The following HDAC4 variants were observed in gnomAD, a reference collection of about 807,000 sequenced individuals.
HDAC4 encodes histone deacetylase A.
Under a neutral mutation model 135.1 loss-of-function variants are expected in HDAC4, and 16 were observed. The observed-to-expected ratio is 0.12, with a 90% CI of 0.08 to 0.18. The LOEUF (loss-of-function observed/expected upper bound fraction) is 0.18. HDAC4 is among the 10% of genes least tolerant of loss of function. The pLI is 1.00. For missense variants in HDAC4, 1,143 were observed against 1,511.8 expected, an observed-to-expected ratio of 0.76 and a Z score of 4.05; for synonymous variants, 685 against 653.4, an observed-to-expected ratio of 1.05 and a Z score of -0.74.
rs750643839 is a variant in HDAC4 at position 239,068,618 on chromosome 2, C to T, written c.2751-11G>A. The T allele has an allele frequency of 6.2e-7, 1 of 1,607,604 alleles. No homozygotes were observed. Among genetic ancestry groups the T allele is most frequent in the Non-Finnish European group, 8.5e-7 (1 of 1,174,238 alleles). On this transcript the variant is annotated splice_polypyrimidine_tract_variant and intron_variant, in intron 22 of 26. Coordinates refer to ENST00000543185, the MANE Select transcript of HDAC4 (RefSeq NM_001378414.1). This position sits in a 1 kb window ranked among gnomAD's most constrained non-coding sequence, Gnocchi z 4.4. ...GGCATGACCACCGTTCTGCAAAGGA[C>T]AGGAGAAGGCGTTACTGGGTCAGCT...
At chr2:239,053,678 G>C in intron 25 of HDAC4, 77 bp from the exon 26 acceptor site, 1 of 1,293,214 alleles carries the variant, frequency 7.7e-7, no homozygotes, top group South Asian at 1.2e-5. Context: ...AAGGTCCTGC[G>C]GGACCCTGAG....
At chr2:239,156,613 C>T (rs1385837951) in intron 7 of HDAC4, 39 bp downstream of exon 7, 9 of 1,613,788 alleles carry the variant, frequency 5.6e-6, no homozygotes, top group Non-Finnish European at 7.6e-6. Context: ...GGTGCCCGTG[C>T]AGGAGACCTC....
intron 17 of HDAC4, among the ~76,000 whole-genome samples, chr2:239,093,670 C>T (rs1407422455): frequency 6.6e-6 from 1 of 152,246 alleles, no homozygotes; most frequent in Non-Finnish European, 1.5e-5. Context: ...CATCTGCACA[C>T]CCAGACGTGA....
At chr2:239,341,936 T>A (rs1331400994) in intron 2 of HDAC4, among the ~76,000 whole-genome samples, 5 of 152,020 alleles carry the variant, frequency 3.3e-5, no homozygotes. Context: ...GTGCCCTTAT[T>A]ATAGAGGTTC....
In HDAC4 at chr2:239,068,614, A is replaced by C. The variant is rs757325412; in HGVS notation, c.2751-7T>G. ...GATCGGCATGACCACCGTTCTGCAA[A>C]GGACAGGAGAAGGCGTTACTGGGTC... is the stretch of plus-strand genomic sequence containing the variant. On this transcript the variant is annotated splice_polypyrimidine_tract_variant and splice_region_variant and intron_variant, in intron 22 of 26. Transcript: ENST00000543185. This position sits in a 1 kb window ranked among gnomAD's most constrained non-coding sequence, Gnocchi z 4.4. 5 of 1,611,706 alleles carry C rather than the reference A, an allele frequency of 3.1e-6. No homozygotes were observed. The highest frequency in any genetic ancestry group is 2.2e-5 in the East Asian group (1 of 44,872).
chr2:239,118,149 T>C (rs995634612), intron 12 of HDAC4, among the ~76,000 whole-genome samples: 3 of 152,174 alleles, frequency 2.0e-5, no homozygotes, highest in Non-Finnish European at 4.4e-5. Flanking sequence ...AGCCCTGCTG[T>C]GCCTCACTGT....
intron 8 of HDAC4, among the ~76,000 whole-genome samples, chr2:239,144,321 G>A (rs1012853944): frequency 1.3e-5 from 2 of 152,122 alleles, no homozygotes; most frequent in Non-Finnish European, 2.9e-5. Context: ...CCAAGCTGGG[G>A]CACCCTTGTG....
At chr2:239,216,428 C>T (rs1183277284) in intron 3 of HDAC4, among the ~76,000 whole-genome samples, 1 of 152,174 alleles carries the variant, frequency 6.6e-6, no homozygotes, top group Non-Finnish European at 1.5e-5. Flanking sequence ...ATGAGGAGGG[C>T]GCCCTACCAG....
intron 2 of HDAC4, among the ~76,000 whole-genome samples, chr2:239,332,285 G>A (rs184009307): frequency 4.6e-5 from 7 of 152,198 alleles, no homozygotes; most frequent in Admixed American, 2.6e-4. Context: ...AAATCTCCAC[G>A]GCTGACTTCT....
chr2:239,089,767 T>A, intron 18 of HDAC4: 3 of 518,870 alleles, frequency 5.8e-6, no homozygotes, highest in Non-Finnish European at 1.0e-5. Context: ...TTTAAGAGTA[T>A]AAAGGGTTCT....
intron 2 of HDAC4, among the ~76,000 whole-genome samples, chr2:239,254,243 A>AG (rs1409270591): frequency 6.6e-5 from 10 of 152,188 alleles, no homozygotes; most frequent in African/African-American, 2.4e-4. Context: ...GAAGGATGAG[A>AG]GGAAGGGAGG....
At chr2:239,169,383 C>G (rs910145506) in intron 5 of HDAC4, among the ~76,000 whole-genome samples, 1 of 152,256 alleles carries the variant, frequency 6.6e-6, no homozygotes, top group African/African-American at 2.4e-5. Context: ...TGCAGCGTCA[C>G]CAGCACAGGC....
chr2:239,254,061 C>T (rs1472255196), intron 2 of HDAC4, among the ~76,000 whole-genome samples: 4 of 152,242 alleles, frequency 2.6e-5, no homozygotes, highest in Admixed American at 1.3e-4. Context: ...AAACCTGGGT[C>T]CCTGTGGATG....
chr2:239,353,943 T>C (rs1693323657), intron 1 of HDAC4, among the ~76,000 whole-genome samples: 1 of 152,212 alleles, frequency 6.6e-6, no homozygotes, highest in East Asian at 1.9e-4. Flanking sequence ...CGTAACATGA[T>C]AACCTAAAAT....
At chr2:239,369,359 G>A (rs905868441) in intron 1 of HDAC4, among the ~76,000 whole-genome samples, 4 of 152,286 alleles carry the variant, frequency 2.6e-5, no homozygotes, top group East Asian at 1.9e-4. Flanking sequence ...CTGCCCGGCG[G>A]GGGGTGGGCA....
At chr2:239,080,648 G>T (rs1486163431) in intron 22 of HDAC4, among the ~76,000 whole-genome samples, 1 of 152,220 alleles carries the variant, frequency 6.6e-6, no homozygotes. Context: ...GAAATGGGAG[G>T]GAGGGCGACA....
intron 6 of HDAC4, chr2:239,161,714 G>A (rs923182947): frequency 8.8e-6 from 3 of 342,836 alleles, no homozygotes; most frequent in Admixed American, 4.3e-5. Flanking sequence ...TAAAGCCAGG[G>A]CACGCCGCCC....
chr2:239,375,764 G>A lies in HDAC4; in HGVS notation c.-219-22846C>T, dbSNP rs114820430. Reference sequence around the variant, plus strand: ...CCACTGCCAGGTGCTCTGGACGGGCGTTTCCTCCATGGCCCCCCAGGGGGC... The same window carrying A: ...CCACTGCCAGGTGCTCTGGACGGGCATTTCCTCCATGGCCCCCCAGGGGGC... On this transcript the variant is annotated intron_variant, in intron 1 of 26. Coordinates refer to ENST00000543185, the MANE Select transcript of HDAC4 (RefSeq NM_001378414.1). 2.7e-3 allele frequency among the ~76,000 whole-genome samples: 405 copies of A among 152,318 alleles called. 1 individual carries two copies. Among genetic ancestry groups the A allele is most frequent in the African/African-American group, 9.3e-3 (385 of 41,572 alleles).
intron 3 of HDAC4, among the ~76,000 whole-genome samples, chr2:239,231,704 T>A (rs2047574318): frequency 2.9e-5 from 1 of 34,178 alleles, no homozygotes; most frequent in Admixed American, 3.0e-4. Context: ...GAGGTAGGCG[T>A]CCTCCCCAAA....
Sources: allele counts gnomAD v4.1 joint callset (sites outside exome capture counted in the v4.1 genomes callset), GRCh38; gene constraint gnomAD v4.1.1; non-coding constraint Gnocchi (gnomAD v3.1); transcripts MANE v1.5; gene names NCBI Gene and HGNC (gene_info 2026-07-23, HGNC 2026-07-21).